The following SPICE1 variants were observed in gnomAD, a reference collection of about 807,000 sequenced individuals.
SPICE1 encodes the protein spindle and centriole associated protein 1, also known as spindle and centriole-associated protein 1.
Under a neutral mutation model 102.7 loss-of-function variants are expected in SPICE1, and 75 were observed. The observed-to-expected ratio is 0.73, with a 90% CI of 0.61 to 0.88. The LOEUF is 0.88. Ranked by LOEUF, SPICE1 falls within the 40% of genes least tolerant of loss-of-function variation. The pLI, the probability that SPICE1 is intolerant of heterozygous loss-of-function variation, is 0.00. For synonymous variants in SPICE1, 308 were observed against 350.3 expected (o/e 0.88, Z 1.35); for missense variants, 979 against 1,020.1 (o/e 0.96, Z 0.55).
intron 4 of SPICE1, among the ~76,000 whole-genome samples, chr3:113,497,481 C>T (rs2107499161): frequency 6.6e-6 from 1 of 152,210 alleles, no homozygotes; most frequent in Middle Eastern, 3.4e-3. Flanking sequence ...TAAGCACTGA[C>T]AGGAAATTAT....
In SPICE1 at chr3:113,445,332, A is replaced by C. The variant is rs559382122; in HGVS notation, c.2543T>G (p.Phe848Cys). 7 of 1,612,882 alleles carry C rather than the reference A, an allele frequency of 4.3e-6. No homozygotes were observed. In the Admixed American group the frequency reaches 1.2e-4, roughly 27 times the overall value. Residue 848 changes from phenylalanine (F) to cysteine (C), a missense_variant, in exon 18 of 18, where the codon TTT becomes TGT. Transcript: ENST00000295872. ...TTATGATACATGGGTAGAAAGAGCA[A>C]ACCAGCCTTCTTCATTCTGTTTCTC... ...KIEKQNEEGW[F>C]ALSTHVS
intron 3 of SPICE1, among the ~76,000 whole-genome samples, chr3:113,502,000 G>A (rs1398231607): frequency 6.6e-6 from 1 of 152,166 alleles, no homozygotes; most frequent in Non-Finnish European, 1.5e-5. Flanking sequence ...CAGAAACAAT[G>A]CAATGTCCAC....
Position 113,445,075 on chromosome 3 carries a change from T to G in SPICE1, c.*232A>C, listed in dbSNP as rs1455625063. ...AAGAAAGTATTAAAATACAAAACTTTAACTTCTCTACAGTCAAAGTTTCAT... is the reference window on the plus strand; with the variant it reads ...AAGAAAGTATTAAAATACAAAACTTGAACTTCTCTACAGTCAAAGTTTCAT... On this transcript the variant is annotated 3_prime_UTR_variant, in exon 18 of 18. Coordinates refer to ENST00000295872, the MANE Select transcript of SPICE1 (RefSeq NM_144718.4). 11 of 357,596 alleles carry G rather than the reference T, an allele frequency of 3.1e-5. No homozygotes were observed. Among genetic ancestry groups the G allele is most frequent in the Non-Finnish European group, 4.0e-5 (8 of 200,658 alleles). 22.2% of individuals were successfully genotyped at this position (357,596 alleles called of 1,614,324 possible). A position where few individuals can be genotyped will look rare whatever the true frequency, so the allele number is the denominator to read the frequency against.
chr3:113,495,498 T>C (rs906841888), intron 4 of SPICE1, among the ~76,000 whole-genome samples: 7 of 152,210 alleles, frequency 4.6e-5, no homozygotes, highest in Admixed American at 1.3e-4. Context: ...GAGTAAGCTT[T>C]GGAATGGTAT....
intron 16 of SPICE1, among the ~76,000 whole-genome samples, chr3:113,447,411 C>T (rs963667460): frequency 1.3e-5 from 2 of 152,154 alleles, no homozygotes; most frequent in Non-Finnish European, 2.9e-5. Context: ...AAGTTCATAG[C>T]TTACATCAGG....
At chr3:113,490,362 C>A (rs180925425) in intron 6 of SPICE1, among the ~76,000 whole-genome samples, 254 of 152,282 alleles carry the variant, frequency 1.7e-3, no homozygotes, top group Non-Finnish European at 2.5e-3. Context: ...TCTATTCTGG[C>A]CAGACACAGT....
chr3:113,450,530 A>T lies in SPICE1; in HGVS notation c.2143-14T>A, dbSNP rs1935624823. 2 of 1,561,600 alleles carry T rather than the reference A, an allele frequency of 1.3e-6. No individual in the cohort carries two copies. The highest frequency in any genetic ancestry group is 8.6e-7 in the Non-Finnish European group (1 of 1,158,354). Reference sequence around the variant, plus strand: ...TACTGGAAAAGTCTTTGGGAGAAAAAAAAAAAAAGTACAAATTGAATACTG... The same window carrying T: ...TACTGGAAAAGTCTTTGGGAGAAAATAAAAAAAAGTACAAATTGAATACTG... On this transcript the variant is annotated splice_polypyrimidine_tract_variant and intron_variant, in intron 14 of 17. Transcript: ENST00000295872.
intron 10 of SPICE1, among the ~76,000 whole-genome samples, chr3:113,466,521 A>G (rs1258692032): frequency 5.3e-5 from 8 of 152,020 alleles, no homozygotes. Context: ...GAGGCAGAAG[A>G]ATCTCTTGAA....
At chr3:113,477,432 C>G (rs1936379805) in intron 7 of SPICE1, among the ~76,000 whole-genome samples, 1 of 151,310 alleles carries the variant, frequency 6.6e-6, no homozygotes, top group Non-Finnish European at 1.5e-5. Flanking sequence ...CATCCCATTG[C>G]TGGGTATATA....
chr3:113,488,862 T>G (rs1936701876), intron 7 of SPICE1, 83 bp downstream of exon 7: 1 of 757,342 alleles, frequency 1.3e-6, no homozygotes, highest in African/African-American at 1.8e-5. Flanking sequence ...TCCCATTTAA[T>G]AAAAAATGAT....
chr3:113,497,707 C>CTTT (rs1165475734), intron 4 of SPICE1, among the ~76,000 whole-genome samples: 80 of 91,340 alleles, frequency 8.8e-4, no homozygotes, highest in African/African-American at 2.4e-3. Context: ...AGAAAGAGAG[C>CTTT]TTTTTTTTTT....
At chr3:113,513,545 C>T (rs902616885) in intron 1 of SPICE1, among the ~76,000 whole-genome samples, 1 of 152,182 alleles carries the variant, frequency 6.6e-6, no homozygotes, top group Non-Finnish European at 1.5e-5. Flanking sequence ...TCTCTACTTG[C>T]TGATATATAA....
At chr3:113,482,925 T>C (rs536782444) in intron 7 of SPICE1, among the ~76,000 whole-genome samples, 205 of 152,332 alleles carry the variant, frequency 1.3e-3, no homozygotes, top group African/African-American at 4.5e-3. Flanking sequence ...AAAGTAGTTT[T>C]TTCTAATTCT....
chr3:113,491,387 G>A (rs374588441), intron 6 of SPICE1, among the ~76,000 whole-genome samples: 10 of 151,950 alleles, frequency 6.6e-5, no homozygotes, highest in Non-Finnish European at 1.0e-4. Context: ...TTGGGAGGCC[G>A]AGGCGGGCGG....
rs774256925 is a variant in SPICE1 at position 113,469,129 on chromosome 3, A to G, written c.721T>C (p.Ser241Pro). The G allele has an allele frequency of 6.2e-7, 1 of 1,613,640 alleles. No individual in the cohort carries two copies. Among genetic ancestry groups the G allele is most frequent in the South Asian group, 1.1e-5 (1 of 91,030 alleles). ...TGCTCCCCTGATGAAAGAGCAGATGATGGCGTTCCTGGAGGAGTTATTTGT... is the reference window on the plus strand; with the variant it reads ...TGCTCCCCTGATGAAAGAGCAGATGGTGGCGTTCCTGGAGGAGTTATTTGT... ...QSQITPPGTP[S>P]SALSSGEQRA... The change falls in exon 8 of 18, where the codon TCA becomes CCA. Residue 241 changes from serine (S) to proline (P), a missense_variant. Physicochemically the swap from Ser to Pro is moderately conservative, Grantham distance 74. Transcript: ENST00000295872.
rs146944073 is a variant in SPICE1, at chr3:113,445,437, G to A, written c.2515-77C>T. ...CTACTCAAGATTTACAGATCATTTAGACCAAGTGCATAAAACAAAGTCATC... is the reference window on the plus strand; with the variant it reads ...CTACTCAAGATTTACAGATCATTTAAACCAAGTGCATAAAACAAAGTCATC... On this transcript the variant is annotated intron_variant, in intron 17 of 17. Coordinates refer to ENST00000295872, the MANE Select transcript of SPICE1 (RefSeq NM_144718.4). The A allele has an allele frequency of 6.2e-5, 75 of 1,215,506 alleles. No homozygotes were observed. The African/African-American group carries it at 1.1e-3, about 17-fold the overall frequency. 75.3% of individuals were successfully genotyped at this position (1,215,506 alleles called of 1,614,324 possible). A position where few individuals can be genotyped will look rare whatever the true frequency, so the allele number is the denominator to read the frequency against.
chr3:113,452,721 T>C (rs1234070411), intron 14 of SPICE1, among the ~76,000 whole-genome samples: 2 of 152,092 alleles, frequency 1.3e-5, no homozygotes, highest in East Asian at 3.9e-4. Flanking sequence ...GGCTCATGCC[T>C]GTAATTCCAG....
chr3:113,462,693 A>T (rs2107457413), intron 11 of SPICE1, among the ~76,000 whole-genome samples: 1 of 152,306 alleles, frequency 6.6e-6, no homozygotes, highest in African/African-American at 2.4e-5. Context: ...GTTTGGACTC[A>T]ACAACTTAGT....
chr3:113,477,359 A>G (rs1936377592), intron 7 of SPICE1, among the ~76,000 whole-genome samples: 1 of 152,056 alleles, frequency 6.6e-6, no homozygotes, highest in Non-Finnish European at 1.5e-5. Context: ...TAGTTCAACC[A>G]TTGTGGAAGT....
Sources: allele counts gnomAD v4.1 joint callset (sites outside exome capture counted in the v4.1 genomes callset), GRCh38; gene constraint gnomAD v4.1.1; transcripts MANE v1.5; gene names NCBI Gene and HGNC (gene_info 2026-07-23, HGNC 2026-07-21).